BMF: variants seen among roughly 807,000 people sequenced by gnomAD.
BMF encodes bcl-2-modifying factor.
A neutral mutation model predicts 22.0 loss-of-function variants in BMF; 10 were observed. The ratio of observed to expected loss-of-function variants is 0.45; its 90% CI spans 0.28 to 0.77. The LOEUF (loss-of-function observed/expected upper bound fraction) is 0.77, where lower values mean the gene tolerates loss of function less well. BMF is among the 30% of genes least tolerant of loss of function. BMF has a pLI of 0.13. For missense variants in BMF, 206 were observed against 226.8 expected, an observed-to-expected ratio of 0.91 and a Z score of 0.59; for synonymous variants, 87 against 88.1, an observed-to-expected ratio of 0.99 and a Z score of 0.07.
intron 4 of BMF, among the ~76,000 whole-genome samples, chr15:40,102,250 G>A (rs778260954): frequency 4.6e-5 from 7 of 152,066 alleles, no homozygotes; most frequent in African/African-American, 1.4e-4. Context: ...CTGACATGGC[G>A]AAACCCCGTC....
At chr15:40,097,951 A>T (rs1238940939) in intron 4 of BMF, among the ~76,000 whole-genome samples, 1 of 152,214 alleles carries the variant, frequency 6.6e-6, no homozygotes, top group East Asian at 1.9e-4. Flanking sequence ...TGCCAGGGTA[A>T]GCCAAGGATT....
At position 40,091,557 on chromosome 15, in the gene BMF, C is replaced by T. The variant is rs1359507752; in HGVS notation, c.*230G>A. 2.1e-6 allele frequency: 1 copy of T among 479,550 alleles called. No individual in the cohort carries two copies. Among genetic ancestry groups the T allele is most frequent in the South Asian group, 3.7e-5 (1 of 27,292 alleles). The allele number at this position is 479,550 out of a possible 1,614,324, so 29.7% of individuals were successfully genotyped here. On this transcript the variant is annotated 3_prime_UTR_variant, in exon 5 of 5. Coordinates refer to ENST00000354670, the MANE Select transcript of BMF (RefSeq NM_001003940.2). ...CTCACCATCACAGACACATCAGCCT[C>T]TCCTTCAACAGTGTTTGACAAAGGC... is the stretch of plus-strand genomic sequence containing the variant.
rs2036600478 is a variant in BMF, at chr15:40,106,953, A to T, written c.-5-862T>A. ...CCCGCTCCTGCCAGCTCTGAACCTGAGACTGGTACAACTGGTCTTACAGAA... is the reference window on the plus strand; with the variant it reads ...CCCGCTCCTGCCAGCTCTGAACCTGTGACTGGTACAACTGGTCTTACAGAA... On this transcript the variant is annotated intron_variant, in intron 2 of 4. Coordinates refer to ENST00000354670, the MANE Select transcript of BMF (RefSeq NM_001003940.2). This position sits in a 1 kb window ranked among gnomAD's most constrained non-coding sequence, Gnocchi z 4.1. Among the ~76,000 whole-genome samples the T allele has an allele frequency of 6.6e-6, 1 of 152,152 alleles. No individual in the cohort carries two copies. The highest frequency in any genetic ancestry group is 1.5e-5 in the Non-Finnish European group (1 of 68,030).
chr15:40,100,664 A>G (rs1292140770), intron 4 of BMF, among the ~76,000 whole-genome samples: 2 of 152,242 alleles, frequency 1.3e-5, no homozygotes, highest in African/African-American at 2.4e-5. Context: ...TCGGGTGACC[A>G]GGCTAGTCCT....
In BMF at chr15:40,106,818, A is replaced by G. The variant is rs1426259055; in HGVS notation, c.-5-727T>C. Among the ~76,000 whole-genome samples the G allele has an allele frequency of 6.6e-6, 1 of 152,208 alleles. No homozygotes were observed. The highest frequency in any genetic ancestry group is 1.5e-5 in the Non-Finnish European group (1 of 68,026). On this transcript the variant is annotated intron_variant, in intron 2 of 4. Transcript: ENST00000354670. The surrounding 1 kb of genome is among the most constrained non-coding windows in gnomAD (Gnocchi z 4.1). ...GCTGCCGTCTCGGCTCTCTTTGAGC[A>G]GAGTTGAGCTGTCTGCCCACCAAAG...
At chr15:40,107,212 G>C (rs768953981) in intron 2 of BMF, among the ~76,000 whole-genome samples, 1 of 152,172 alleles carries the variant, frequency 6.6e-6, no homozygotes, top group Non-Finnish European at 1.5e-5. Context: ...GAACAGCTAA[G>C]GATAAAAAGA....
rs567956130 is a variant in BMF, at chr15:40,103,155, G to A, written c.453+1025C>T. Among the ~76,000 whole-genome samples the A allele has an allele frequency of 1.7e-3, 255 of 152,278 alleles. 2 individuals carry two copies. The Middle Eastern group carries it at 0.024, about 14-fold the overall frequency. ...CACCTGAAGCTACCCTTCTAACCTC[G>A]GAGTCTGCCCAGTCATGGTCAAGCT... On this transcript the variant is annotated intron_variant, in intron 4 of 4. Transcript: ENST00000354670.
intron 4 of BMF, among the ~76,000 whole-genome samples, chr15:40,093,361 T>C (rs1238177116): frequency 6.6e-6 from 1 of 152,210 alleles, no homozygotes; most frequent in Non-Finnish European, 1.5e-5. Context: ...GCGCAGCTCC[T>C]GCCCGGAGGG....
At chr15:40,103,431 A>G (rs1054103430) in intron 4 of BMF, among the ~76,000 whole-genome samples, 13 of 152,242 alleles carry the variant, frequency 8.5e-5, no homozygotes, top group African/African-American at 3.1e-4. Context: ...CTGCTGGAAC[A>G]GGGAAGGCAG....
rs746115139 is a variant in BMF, at chr15:40,089,720, T to A, written c.*2067A>T. ...TGTAAATAATCCCGGTTTTTTGGTG[T>A]GTGCCACTGAAGCATACGGCAGCAG... On this transcript the variant is annotated 3_prime_UTR_variant, in exon 5 of 5. Coordinates refer to ENST00000354670, the MANE Select transcript of BMF (RefSeq NM_001003940.2). The A allele has an allele frequency of 6.6e-6, 1 of 152,270 alleles. No homozygotes were observed. The highest frequency in any genetic ancestry group is 2.4e-5 in the African/African-American group (1 of 41,456). 9.4% of individuals were successfully genotyped at this position (152,270 alleles called of 1,614,324 possible).
intron 4 of BMF, among the ~76,000 whole-genome samples, chr15:40,100,250 G>A (rs896424695): frequency 6.6e-6 from 1 of 152,218 alleles, no homozygotes; most frequent in African/African-American, 2.4e-5. Flanking sequence ...ATGAGGCCAT[G>A]GCACAAGGAC....
chr15:40,100,111 T>C (rs968042497), intron 4 of BMF, among the ~76,000 whole-genome samples: 5 of 152,212 alleles, frequency 3.3e-5, no homozygotes, highest in Non-Finnish European at 5.9e-5. Context: ...GTAACTACTG[T>C]TTTTGAGGAT....
chr15:40,099,757 A>T (rs962643173), intron 4 of BMF, among the ~76,000 whole-genome samples: 4 of 148,556 alleles, frequency 2.7e-5, no homozygotes, highest in Non-Finnish European at 4.5e-5. Flanking sequence ...CAGCTTGGCA[A>T]GAAGAACGAA....
intron 3 of BMF, among the ~76,000 whole-genome samples, chr15:40,104,738 G>A (rs1392546833): frequency 6.6e-6 from 1 of 152,166 alleles, no homozygotes; most frequent in Non-Finnish European, 1.5e-5. Flanking sequence ...CCAGTTTCTG[G>A]GTTGAGCAAA....
intron 4 of BMF, among the ~76,000 whole-genome samples, chr15:40,102,183 C>T (rs1187853352): frequency 6.6e-6 from 1 of 152,174 alleles, no homozygotes; most frequent in Non-Finnish European, 1.5e-5. Context: ...AGTCCCAGCA[C>T]TTTGGGAGGC....
rs2036218921 is a variant in BMF, at chr15:40,090,915, G to A, written c.*872C>T. On this transcript the variant is annotated 3_prime_UTR_variant, in exon 5 of 5. Coordinates refer to ENST00000354670, the MANE Select transcript of BMF (RefSeq NM_001003940.2). Reference sequence around the variant, plus strand: ...GGGGTGGAATGCGGTCTGTCGGTGGGGTCTTTTGAAAGAAGAGCTGACAAA... The same window carrying A: ...GGGGTGGAATGCGGTCTGTCGGTGGAGTCTTTTGAAAGAAGAGCTGACAAA... 6.6e-6 allele frequency: 1 copy of A among 152,214 alleles called. No homozygotes were observed. Among genetic ancestry groups the A allele is most frequent in the South Asian group, 2.1e-4 (1 of 4,818 alleles). 9.4% of individuals were successfully genotyped at this position (152,214 alleles called of 1,614,324 possible).
chr15:40,100,494 T>C (rs2141029756), intron 4 of BMF, among the ~76,000 whole-genome samples: 1 of 152,276 alleles, frequency 6.6e-6, no homozygotes, highest in Non-Finnish European at 1.5e-5. Context: ...GTGGGATGTG[T>C]GGTGAGGTTC....
At chr15:40,092,023 C>A (rs537247193) in intron 4 of BMF, 135 bp from the exon 5 acceptor site, 5 of 664,096 alleles carry the variant, frequency 7.5e-6, no homozygotes, top group African/African-American at 7.3e-5. Flanking sequence ...CAGCTCACAG[C>A]GGGGAGGAGG....
At chr15:40,108,193 C>G (rs1242177534) in intron 2 of BMF, 66 bp downstream of exon 2, 1 of 153,176 alleles carries the variant, frequency 6.5e-6, no homozygotes, top group Non-Finnish European at 1.4e-5. Flanking sequence ...AGTAGTCAGA[C>G]ACCCAGATCC....
Sources: allele counts gnomAD v4.1 joint callset (sites outside exome capture counted in the v4.1 genomes callset), GRCh38; gene constraint gnomAD v4.1.1; non-coding constraint Gnocchi (gnomAD v3.1); transcripts MANE v1.5; gene names NCBI Gene and HGNC (gene_info 2026-07-23, HGNC 2026-07-21).